Variants in SPTAN1 observed in about 807,000 individuals in gnomAD.
SPTAN1 encodes spectrin alpha, non-erythrocytic 1.
A neutral mutation model predicts 331.3 loss-of-function variants in SPTAN1; 61 were observed. The observed-to-expected ratio is 0.18, with a 90% CI of 0.15 to 0.23. The LOEUF (loss-of-function observed/expected upper bound fraction) is 0.23, where lower values mean the gene tolerates loss of function less well. Among genes scored for constraint, SPTAN1 ranks in the 10% least tolerant of loss-of-function variants. The pLI is 1.00. For synonymous variants in SPTAN1, 1,153 were observed against 1,173.9 expected, an observed-to-expected ratio of 0.98 and a Z score of 0.36; for missense variants, 2,043 against 3,147.9, an observed-to-expected ratio of 0.65 and a Z score of 8.40.
rs553983141 is a variant in SPTAN1 at position 128,606,498 on chromosome 9, G to T, written c.4046+1021G>T. Among the ~76,000 whole-genome samples the T allele has an allele frequency of 4.9e-3, 394 of 81,128 alleles. 9 individuals are homozygous for T. In the East Asian group the frequency reaches 0.053, roughly 11 times the overall value. 53.2% of individuals were successfully genotyped at this position (81,128 alleles called of 152,430 possible). The stretch of plus-strand genomic sequence containing the variant: ...ATATATATATATATATTTTTTTTTT[G>T]GGGGGGGAAGCGTTTCGCTTTTGTG... On this transcript the variant is annotated intron_variant, in intron 31 of 56. Coordinates refer to ENST00000372739, the MANE Select transcript of SPTAN1 (RefSeq NM_001130438.3).
chr9:128,605,029 T>G lies in SPTAN1; in HGVS notation c.3720-5T>G, dbSNP rs200543425. On this transcript the variant is annotated splice_region_variant and splice_polypyrimidine_tract_variant and intron_variant, in intron 29 of 56. Coordinates refer to ENST00000372739, the MANE Select transcript of SPTAN1 (RefSeq NM_001130438.3). ...TTTCTTAACCTGAATGTGTCTCGCC[T>G]TTAGAGATGCTGATGAAACCAAAGA... 2.8e-3 allele frequency: 4,558 copies of G among 1,614,138 alleles called. 10 individuals carry two copies. Among genetic ancestry groups the G allele is most frequent in the Non-Finnish European group, 3.5e-3 (4,181 of 1,180,014 alleles).
At chr9:128,593,198 A>AG (rs1365584332) in intron 23 of SPTAN1, 156 bp downstream of exon 23, 1 of 789,354 alleles carries the variant, frequency 1.3e-6, no homozygotes, top group African/African-American at 1.7e-5. Context: ...ACAAGGGAAG[A>AG]GGTCGCGGTG....
At chr9:128,592,355 A>G (rs1589249119) in intron 22 of SPTAN1, among the ~76,000 whole-genome samples, 1 of 151,308 alleles carries the variant, frequency 6.6e-6, no homozygotes. Flanking sequence ...GCTTACTGCA[A>G]CCTCTGCCTC....
At chr9:128,589,411 C>A (rs1853143180) in intron 21 of SPTAN1, among the ~76,000 whole-genome samples, 1 of 151,502 alleles carries the variant, frequency 6.6e-6, no homozygotes, top group African/African-American at 2.4e-5. Flanking sequence ...GCCTCAGCCT[C>A]CCGAGTAGCT....
chr9:128,578,184 A>G lies in SPTAN1; in HGVS notation c.1160A>G (p.Asp387Gly). The G allele has an allele frequency of 6.2e-7, 1 of 1,614,160 alleles. No individual in the cohort carries two copies. The highest frequency in any genetic ancestry group is 8.5e-7 in the Non-Finnish European group (1 of 1,180,026). ...GAGATGAAAGCCCTCATCAATGCAG[A>G]TGAGCTTGCCAGTGATGTGGCTGGG... ...VTEMKALINA[D>G]ELASDVAGAE... The change falls in exon 9 of 57, where the codon GAT becomes GGT. Residue 387 changes from aspartate to glycine, a missense_variant. By Grantham distance (94) the Asp-to-Gly change is moderately conservative (BLOSUM62 -1). Around this residue, in one of 12 missense-constraint regions of SPTAN1, gnomAD observed 1,038 missense variants for 1,531.5 expected, o/e 0.68. Coordinates refer to ENST00000372739, the MANE Select transcript of SPTAN1 (RefSeq NM_001130438.3).
At chr9:128,589,232 C>T (rs1404943316) in intron 21 of SPTAN1, among the ~76,000 whole-genome samples, 1 of 151,864 alleles carries the variant, frequency 6.6e-6, no homozygotes, top group Non-Finnish European at 1.5e-5. Flanking sequence ...CCTGTCAAGC[C>T]AAAGTTTGCT....
At chr9:128,557,726 T>C (rs1006076420) in intron 1 of SPTAN1, among the ~76,000 whole-genome samples, 1 of 151,956 alleles carries the variant, frequency 6.6e-6, no homozygotes, top group Non-Finnish European at 1.5e-5. Flanking sequence ...CAGTTGATAC[T>C]GTGTATAAGT....
At chr9:128,586,629 G>A (rs1852674032) in intron 19 of SPTAN1, among the ~76,000 whole-genome samples, 1 of 151,748 alleles carries the variant, frequency 6.6e-6, no homozygotes. Context: ...GCATACACAT[G>A]TACATACCAG....
intron 24 of SPTAN1, chr9:128,596,212 A>G (rs1854259231): frequency 6.6e-6 from 1 of 151,886 alleles, no homozygotes; most frequent in African/African-American, 2.4e-5. Context: ...ATTGCTGAAT[A>G]ATATTTCACT....
chr9:128,592,762 C>T lies in SPTAN1; in HGVS notation c.3156-221C>T, dbSNP rs76196653. 0.031 allele frequency among the ~76,000 whole-genome samples: 4,755 copies of T among 152,272 alleles called. 249 individuals are homozygous for T. The highest frequency in any genetic ancestry group is 0.11 in the African/African-American group (4,445 of 41,530). On this transcript the variant is annotated intron_variant, in intron 22 of 56. Transcript: ENST00000372739. ...AAATCTGCCTTAAGCATGGCAGACC[C>T]GCCAGGAAAATGAAGGTGAACTAAC... is the stretch of plus-strand genomic sequence containing the variant.
intron 37 of SPTAN1, among the ~76,000 whole-genome samples, chr9:128,610,045 G>A (rs1189294919): frequency 2.6e-5 from 4 of 152,154 alleles, no homozygotes; most frequent in Admixed American, 6.5e-5. Context: ...CATGGTGTTC[G>A]GTGGCCTGGG....
intron 3 of SPTAN1, among the ~76,000 whole-genome samples, chr9:128,570,433 G>T (rs1338036045): frequency 4.1e-5 from 6 of 145,236 alleles, no homozygotes; most frequent in South Asian, 2.2e-4. Flanking sequence ...CACCTCCTGG[G>T]TTCAAGCAAT....
chr9:128,581,142 T>A (rs1033115113), intron 11 of SPTAN1, 83 bp downstream of exon 11: 5 of 1,582,920 alleles, frequency 3.2e-6, no homozygotes, highest in Admixed American at 1.7e-5. Flanking sequence ...TTGTTTTGTT[T>A]TAGGACATCA....
rs1170746700 is a variant in SPTAN1, at chr9:128,558,528, T to C, written c.-4+5832T>C. Among the ~76,000 whole-genome samples the C allele has an allele frequency of 2.0e-5, 3 of 152,300 alleles. No homozygotes were observed. The East Asian group carries it at 5.8e-4, about 29-fold the overall frequency. On this transcript the variant is annotated intron_variant, in intron 1 of 56. Coordinates refer to ENST00000372739, the MANE Select transcript of SPTAN1 (RefSeq NM_001130438.3). ...ATAAGCAGTCAGTTGATTGCATTCC[T>C]AGGAAGTCGTCTCTGTTGTGGTTTT... is the stretch of plus-strand genomic sequence containing the variant.
intron 1 of SPTAN1, among the ~76,000 whole-genome samples, chr9:128,558,600 G>GT (rs1191178263): frequency 2.0e-5 from 3 of 152,150 alleles, no homozygotes; most frequent in Non-Finnish European, 2.9e-5. Context: ...ATTGGAGTTT[G>GT]TTTTTTAATG....
chr9:128,604,932 CAGTA>C (rs1160601729), intron 29 of SPTAN1, 98 bp from the exon 30 acceptor site: 5 of 1,215,778 alleles, frequency 4.1e-6, no homozygotes, highest in Non-Finnish European at 5.7e-6. Flanking sequence ...AACTCCATCT[CAGTA>C]AATAAATAAA....
chr9:128,626,641 T>C lies in SPTAN1; in HGVS notation c.6530T>C (p.Met2177Thr), dbSNP rs1439383028. 6.2e-7 allele frequency: 1 copy of C among 1,613,386 alleles called. No individual in the cohort carries two copies. The highest frequency in any genetic ancestry group is 8.5e-7 in the Non-Finnish European group (1 of 1,179,786). Reference protein sequence around the residue: ...VASNPYTWFTMEALEETWRNL... With the variant: ...VASNPYTWFTTEALEETWRNL... ...TCCAACCCCTACACCTGGTTTACCATGGAGGCCCTGGAGGAGACCTGGAGG... is the reference window on the plus strand; with the variant it reads ...TCCAACCCCTACACCTGGTTTACCACGGAGGCCCTGGAGGAGACCTGGAGG... The change falls in exon 49 of 57, where the codon ATG (methionine) becomes ACG (threonine). Residue 2177 changes from methionine (M) to threonine (T), a missense_variant. Coordinates refer to ENST00000372739, the MANE Select transcript of SPTAN1 (RefSeq NM_001130438.3).
intron 20 of SPTAN1, 123 bp from the exon 21 acceptor site, chr9:128,588,686 G>A: frequency 7.3e-7 from 1 of 1,365,268 alleles, no homozygotes; most frequent in South Asian, 1.2e-5. Context: ...CTTCAGTGAA[G>A]AATTCTCATG....
chr9:128,562,963 TAA>T (rs966803841), intron 1 of SPTAN1, among the ~76,000 whole-genome samples: 24 of 129,210 alleles, frequency 1.9e-4, no homozygotes, highest in South Asian at 7.5e-4. Context: ...AGACTCCGTC[TAA>T]AAAAAAATAT....
Sources: allele counts gnomAD v4.1 joint callset (sites outside exome capture counted in the v4.1 genomes callset), GRCh38; gene constraint gnomAD v4.1.1; regional missense constraint gnomAD v4.1.1; transcripts MANE v1.5; gene names NCBI Gene and HGNC (gene_info 2026-07-23, HGNC 2026-07-21).